EZH1: variants seen among roughly 807,000 people sequenced by gnomAD.
The protein encoded by EZH1 is histone-lysine N-methyltransferase EZH1.
A neutral mutation model predicts 100.5 loss-of-function variants in EZH1; 33 were observed. That is an observed-to-expected ratio of 0.33 (90% confidence interval 0.25 to 0.44). The LOEUF (loss-of-function observed/expected upper bound fraction) is 0.44, where lower values mean the gene tolerates loss of function less well. EZH1 is among the 20% of genes least tolerant of loss of function. The pLI, the probability that EZH1 is intolerant of heterozygous loss-of-function variation, is 1.00. For synonymous variants in EZH1, 272 were observed against 313.8 expected, an observed-to-expected ratio of 0.87 and a Z score of 1.41; for missense variants, 475 against 928.4, an observed-to-expected ratio of 0.51 and a Z score of 6.35.
rs929231726 is a variant in EZH1 at position 42,706,372 on chromosome 17, A to G, written c.1661-187T>C. 6.6e-6 allele frequency among the ~76,000 whole-genome samples: 1 copy of G among 152,140 alleles called. No individual in the cohort carries two copies. The highest frequency in any genetic ancestry group is 2.4e-5 in the African/African-American group (1 of 41,438). ...CATAGAAAACTGAGTGCTTCCCAAC[A>G]TTCATGCCTTCGAGTCAAAAAAGCA... On this transcript the variant is annotated intron_variant, in intron 15 of 20. Transcript: ENST00000428826. This position sits in a 1 kb window ranked among gnomAD's most constrained non-coding sequence, Gnocchi z 4.4.
chr17:42,733,399 T>C (rs976090656), intron 1 of EZH1, among the ~76,000 whole-genome samples: 6 of 150,328 alleles, frequency 4.0e-5, no homozygotes, highest in African/African-American at 1.5e-4. Context: ...GCCAGCACTT[T>C]GGGTGGCCGA....
chr17:42,730,509 T>G lies in EZH1; in HGVS notation c.-12+319A>C, dbSNP rs189839645. Among the ~76,000 whole-genome samples, 91 of 139,798 alleles carry G rather than the reference T, an allele frequency of 6.5e-4. No homozygotes were observed. The Middle Eastern group carries it at 0.01, about 16-fold the overall frequency. The allele number at this position is 139,798 out of a possible 152,430, so 91.7% of individuals were successfully genotyped here. A position where few individuals can be genotyped will look rare whatever the true frequency, so the allele number is the denominator to read the frequency against. ...ATTCTTTTTTTTTTTTTTTTTTTTTTTTTTTGAGACGGAGTCTCGCTCTGT... is the reference window on the plus strand; with the variant it reads ...ATTCTTTTTTTTTTTTTTTTTTTTTGTTTTTGAGACGGAGTCTCGCTCTGT... On this transcript the variant is annotated intron_variant, in intron 2 of 20. Transcript: ENST00000428826.
intron 1 of EZH1, among the ~76,000 whole-genome samples, chr17:42,733,337 CAA>C (rs1204785901): frequency 4.6e-4 from 34 of 74,656 alleles, no homozygotes; most frequent in Admixed American, 7.7e-4. Context: ...AACTCTGTCT[CAA>C]AAAAAAAAAA....
At chr17:42,726,385 T>A (rs983072594) in intron 4 of EZH1, among the ~76,000 whole-genome samples, 14 of 151,692 alleles carry the variant, frequency 9.2e-5, no homozygotes, top group African/African-American at 3.4e-4. Context: ...TTTTATATTT[T>A]AAAAATATTA....
chr17:42,725,942 G>C (rs1354958254), intron 4 of EZH1, among the ~76,000 whole-genome samples: 1 of 150,730 alleles, frequency 6.6e-6, no homozygotes, highest in Non-Finnish European at 1.5e-5. Flanking sequence ...GCAGTTGCAC[G>C]ATCTTGGCTC....
At chr17:42,739,846 C>G (rs996447961) in intron 1 of EZH1, among the ~76,000 whole-genome samples, 1 of 151,016 alleles carries the variant, frequency 6.6e-6, no homozygotes, top group Non-Finnish European at 1.5e-5. Context: ...TGCAGTGGCG[C>G]GATCTTGGCT....
At chr17:42,727,609 G>A (rs2053846228) in intron 4 of EZH1, 26 bp downstream of exon 4, 1 of 1,595,016 alleles carries the variant, frequency 6.3e-7, no homozygotes, top group Non-Finnish European at 8.5e-7. Context: ...AAGAGAGGAA[G>A]ACTGAGCTTA....
At chr17:42,703,662 A>C in intron 19 of EZH1, 78 bp downstream of exon 19, 2 of 1,072,974 alleles carry the variant, frequency 1.9e-6, no homozygotes, top group African/African-American at 1.6e-5. Context: ...CAGCTAAGGA[A>C]AATGTTCAAC....
intron 7 of EZH1, 73 bp from the exon 8 acceptor site, chr17:42,719,280 T>A (rs1388635498): frequency 8.4e-7 from 1 of 1,197,520 alleles, no homozygotes; most frequent in East Asian, 2.4e-5. Context: ...TGATCTTTTT[T>A]CCTTTTGTCA....
chr17:42,725,732 A>T (rs990828791), intron 4 of EZH1, among the ~76,000 whole-genome samples: 1 of 152,210 alleles, frequency 6.6e-6, no homozygotes, highest in South Asian at 2.1e-4. Flanking sequence ...AAAGATGAGG[A>T]AGTTTTCTGA....
At chr17:42,721,420 G>T (rs2053703527) in intron 6 of EZH1, among the ~76,000 whole-genome samples, 1 of 152,108 alleles carries the variant, frequency 6.6e-6, no homozygotes, top group Non-Finnish European at 1.5e-5. Context: ...TTCAGGGGAT[G>T]CCTGGATCAA....
rs1209895935 is a variant in EZH1 at position 42,744,999 on chromosome 17, T to C, written c.-103+12A>G. On this transcript the variant is annotated intron_variant, in intron 1 of 20. Transcript: ENST00000428826. Reference sequence around the variant, plus strand: ...GCCCCACCGCCCGGCCCAGGCTTGTTTACTCACTCACCCTCCATCCCGAGC... The same window carrying C: ...GCCCCACCGCCCGGCCCAGGCTTGTCTACTCACTCACCCTCCATCCCGAGC... 7.8e-7 allele frequency: 1 copy of C among 1,274,740 alleles called. No individual in the cohort carries two copies. Among genetic ancestry groups the C allele is most frequent in the South Asian group, 1.3e-5 (1 of 78,510 alleles). 79.0% of individuals were successfully genotyped at this position (1,274,740 alleles called of 1,614,324 possible). A position where few individuals can be genotyped will look rare whatever the true frequency, so the allele number is the denominator to read the frequency against.
chr17:42,744,904 T>C, intron 1 of EZH1, 107 bp downstream of exon 1: 1 of 1,161,298 alleles, frequency 8.6e-7, no homozygotes, highest in Non-Finnish European at 1.1e-6. Flanking sequence ...GTCCCTCGGA[T>C]TCCTTCCAAT....
chr17:42,722,974 A>G, intron 5 of EZH1, 59 bp from the exon 6 acceptor site: 1 of 1,556,060 alleles, frequency 6.4e-7, no homozygotes, highest in Non-Finnish European at 8.7e-7. Context: ...GCTCTTTCCT[A>G]TTTAGTGGAA....
At chr17:42,737,624 C>A (rs893201522) in intron 1 of EZH1, among the ~76,000 whole-genome samples, 3 of 152,032 alleles carry the variant, frequency 2.0e-5, no homozygotes, top group African/African-American at 7.3e-5. Flanking sequence ...CAAAAACAAA[C>A]AAACTATTCT....
chr17:42,712,357 A>G lies in EZH1; in HGVS notation c.1333T>C (p.Phe445Leu), dbSNP rs1330190644. ...AAGTTGTTGAAGTAGGTGCCATGGAAGACTCGAAAAAGAGATTCTTCAGCC... is the reference window on the plus strand; with the variant it reads ...AAGTTGTTGAAGTAGGTGCCATGGAGGACTCGAAAAAGAGATTCTTCAGCC... The part of the protein sequence containing the change: ...TGAEESLFRV[F>L]HGTYFNNFCS... Residue 445 changes from phenylalanine to leucine, a missense_variant, in exon 12 of 21, where the codon TTC (phenylalanine) becomes CTC (leucine). Around this residue, in one of 8 missense-constraint regions of EZH1, gnomAD observed 83 missense variants for 142.1 expected, o/e 0.58. Transcript: ENST00000428826. 10 of 1,614,176 alleles carry G rather than the reference A, an allele frequency of 6.2e-6. No individual in the cohort carries two copies. Among genetic ancestry groups the G allele is most frequent in the Admixed American group, 1.7e-5 (1 of 60,016 alleles).
intron 10 of EZH1, 124 bp downstream of exon 10, chr17:42,717,852 G>T: frequency 1.3e-6 from 1 of 778,358 alleles, no homozygotes; most frequent in Non-Finnish European, 2.1e-6. Context: ...TAACTGGGGA[G>T]CTCCTTAAGA....
intron 2 of EZH1, 36 bp from the exon 3 acceptor site, chr17:42,728,988 G>T: frequency 6.6e-7 from 1 of 1,514,220 alleles, no homozygotes; most frequent in Non-Finnish European, 8.9e-7. Flanking sequence ...GCATTTTATT[G>T]CCTGGAAATA....
chr17:42,728,610 C>G (rs1208806375), intron 3 of EZH1, among the ~76,000 whole-genome samples: 1 of 151,188 alleles, frequency 6.6e-6, no homozygotes, highest in African/African-American at 2.4e-5. Flanking sequence ...GGCGTGGTGG[C>G]AGGCGCCTGT....
Sources: allele counts gnomAD v4.1 joint callset (sites outside exome capture counted in the v4.1 genomes callset), GRCh38; gene constraint gnomAD v4.1.1; regional missense constraint gnomAD v4.1.1; non-coding constraint Gnocchi (gnomAD v3.1); transcripts MANE v1.5; gene names NCBI Gene and HGNC (gene_info 2026-07-23, HGNC 2026-07-21).